FRMD3: variants seen among roughly 807,000 people sequenced by gnomAD.
The protein encoded by FRMD3 is FERM domain containing 3.
A neutral mutation model predicts 70.2 loss-of-function variants in FRMD3; 33 were observed. The observed-to-expected ratio is 0.47, with a 90% confidence interval of 0.36 to 0.63. FRMD3 has a LOEUF of 0.63. Ranked by LOEUF, FRMD3 falls within the 20% of genes least tolerant of loss-of-function variation. The pLI is 0.00. For missense variants in FRMD3, 632 were observed against 711.4 expected (o/e 0.89, Z 1.27); for synonymous variants, 279 against 255.9 (o/e 1.09, Z -0.86).
intron 2 of FRMD3, among the ~76,000 whole-genome samples, chr9:83,377,721 C>T (rs1426505530): frequency 6.6e-6 from 1 of 152,122 alleles, no homozygotes; most frequent in East Asian, 1.9e-4. Context: ...GAAGCAGATG[C>T]TGGCACCATG....
At chr9:83,282,099 A>G (rs1833997102) in intron 13 of FRMD3, among the ~76,000 whole-genome samples, 1 of 152,248 alleles carries the variant, frequency 6.6e-6, no homozygotes, top group African/African-American at 2.4e-5. Flanking sequence ...GAATGTGAGT[A>G]TAAGGATGTA....
At chr9:83,452,093 C>T (rs1231439682) in intron 1 of FRMD3, among the ~76,000 whole-genome samples, 1 of 152,182 alleles carries the variant, frequency 6.6e-6, no homozygotes, top group East Asian at 1.9e-4. Flanking sequence ...TTAGAACTTT[C>T]CAGCAGCCAT....
In FRMD3 at chr9:83,295,769, C is replaced by T. The variant is rs140342837; in HGVS notation, c.1070+2979G>A. 1.2e-4 allele frequency among the ~76,000 whole-genome samples: 18 copies of T among 152,302 alleles called. No individual in the cohort carries two copies. In the East Asian group the frequency reaches 2.5e-3, roughly 21 times the overall value. On this transcript the variant is annotated intron_variant, in intron 12 of 13. Transcript: ENST00000304195. Reference sequence around the variant, plus strand: ...CCAGGTGGCTCACACAACCAGCCCTCGGCTCACCAAGCTACAGCCCTCTCA... The same window carrying T: ...CCAGGTGGCTCACACAACCAGCCCTTGGCTCACCAAGCTACAGCCCTCTCA...
downstream of FRMD3, chr9:83,243,318 TAG>T: frequency 1.6e-6 from 2 of 1,214,226 alleles, no homozygotes; most frequent in South Asian, 2.6e-5. Flanking sequence ...CTCCACCCTG[TAG>T]AGAGTGGCCC....
intron 13 of FRMD3, among the ~76,000 whole-genome samples, chr9:83,289,911 A>G (rs1422956097): frequency 6.6e-6 from 1 of 152,250 alleles, no homozygotes; most frequent in South Asian, 2.1e-4. Flanking sequence ...GAGTCCTTAA[A>G]AACAAAGATG....
rs1410338997 is a variant in FRMD3 at position 83,319,704 on chromosome 9, T to TG, written c.597-5958dup. ...AACCCAGTGGGAGATGATTGAATCA[T>TG]GGGGTGGGTCTTTCCCTTGCTGTTC... On this transcript the variant is annotated intron_variant, in intron 6 of 13. Transcript: ENST00000304195. Among the ~76,000 whole-genome samples, 4 of 152,142 alleles carry TG rather than the reference T, an allele frequency of 2.6e-5. No individual in the cohort carries two copies. The East Asian group carries it at 5.8e-4, about 22-fold the overall frequency.
At chr9:83,477,905 G>A (rs75182668) in intron 1 of FRMD3, among the ~76,000 whole-genome samples, 7,048 of 152,160 alleles carry the variant, frequency 0.046, 560 homozygotes, top group African/African-American at 0.16. Flanking sequence ...GTCCTTTCCC[G>A]GTATGGCTTG....
chr9:83,501,341 T>C (rs1427272955), intron 1 of FRMD3, among the ~76,000 whole-genome samples: 2 of 151,762 alleles, frequency 1.3e-5, no homozygotes, highest in Non-Finnish European at 2.9e-5. Flanking sequence ...TCAGTAAGTA[T>C]GTGTTGAAAG....
intron 1 of FRMD3, among the ~76,000 whole-genome samples, chr9:83,394,282 G>A (rs1825752635): frequency 6.6e-6 from 1 of 152,086 alleles, no homozygotes; most frequent in African/African-American, 2.4e-5. Flanking sequence ...CATCTCAAAA[G>A]GCAAATTCTC....
intron 1 of FRMD3, among the ~76,000 whole-genome samples, chr9:83,507,928 A>ATAAT (rs761940508): frequency 7.1e-4 from 108 of 151,894 alleles, no homozygotes; most frequent in South Asian, 2.5e-3. Flanking sequence ...CGTACTGTAC[A>ATAAT]TAATTATATG....
the FRMD3 span, among the ~76,000 whole-genome samples, chr9:83,555,373 A>G: frequency 6.6e-6 from 1 of 151,950 alleles, no homozygotes; most frequent in African/African-American, 2.4e-5. Flanking sequence ...GAATGGGATC[A>G]GGCACCCACT....
chr9:83,340,989 T>C (rs1823736061), intron 5 of FRMD3, among the ~76,000 whole-genome samples: 1 of 152,238 alleles, frequency 6.6e-6, no homozygotes. Flanking sequence ...GGGGCGACAG[T>C]GCCTCCTGAT....
At chr9:83,433,938 G>A (rs999335017) in intron 1 of FRMD3, among the ~76,000 whole-genome samples, 1 of 152,148 alleles carries the variant, frequency 6.6e-6, no homozygotes, top group Non-Finnish European at 1.5e-5. Flanking sequence ...GTGGCCCAGG[G>A]GCTGGGGACC....
Position 83,310,480 on chromosome 9 carries a change from C to T in FRMD3, c.837+5G>A. ...ACAGGCAGTTAAAAAAAAGCAGTAT[C>T]TGACCTCCTTCTGGGTGCCAATCAC... On this transcript the variant is annotated splice_donor_5th_base_variant and intron_variant, in intron 9 of 13. Coordinates refer to ENST00000304195, the MANE Select transcript of FRMD3 (RefSeq NM_174938.6). 6.2e-7 allele frequency: 1 copy of T among 1,606,104 alleles called. No homozygotes were observed. Among genetic ancestry groups the T allele is most frequent in the Non-Finnish European group, 8.5e-7 (1 of 1,176,988 alleles).
chr9:83,366,647 C>A (rs1824795924), intron 3 of FRMD3, among the ~76,000 whole-genome samples: 1 of 152,120 alleles, frequency 6.6e-6, no homozygotes, highest in African/African-American at 2.4e-5. Flanking sequence ...GCTTTGCTCT[C>A]AAAGAAAGAA....
At chr9:83,323,379 A>G (rs955344884) in intron 6 of FRMD3, among the ~76,000 whole-genome samples, 13 of 152,244 alleles carry the variant, frequency 8.5e-5, no homozygotes, top group South Asian at 6.2e-4. Flanking sequence ...TCACAAAAAT[A>G]ACATTGAACA....
At chr9:83,582,072 ATC>A in the FRMD3 span, among the ~76,000 whole-genome samples, 1 of 152,154 alleles carries the variant, frequency 6.6e-6, no homozygotes, top group African/African-American at 2.4e-5. Flanking sequence ...ATAAAAAGTA[ATC>A]TCTTTTTTTT....
chr9:83,314,437 T>TC (rs1379637852), intron 6 of FRMD3, among the ~76,000 whole-genome samples: 1 of 152,202 alleles, frequency 6.6e-6, no homozygotes, highest in Non-Finnish European at 1.5e-5. Flanking sequence ...TCTCAATCAT[T>TC]CCCCAAGGAT....
chr9:83,297,932 T>G (rs1307544769), intron 12 of FRMD3: 1 of 448,466 alleles, frequency 2.2e-6, no homozygotes, highest in Non-Finnish European at 4.6e-6. Context: ...AGCCTCCTCC[T>G]GCCCAACAAC....
Sources: allele counts gnomAD v4.1 joint callset (sites outside exome capture counted in the v4.1 genomes callset), GRCh38; gene constraint gnomAD v4.1.1; transcripts MANE v1.5; gene names NCBI Gene and HGNC (gene_info 2026-07-23, HGNC 2026-07-21).